Variants in ANKRD30B observed in about 807,000 individuals in gnomAD.
ANKRD30B encodes the protein ankyrin repeat domain-containing protein 30B.
A neutral mutation model predicts 202.2 loss-of-function variants in ANKRD30B; 144 were observed. The observed-to-expected ratio is 0.71, with a 90% CI of 0.62 to 0.82. ANKRD30B has a LOEUF of 0.82. Among genes scored for constraint, ANKRD30B ranks in the 40% least tolerant of loss-of-function variants. The pLI, the probability that ANKRD30B is intolerant of heterozygous loss-of-function variation, is 0.00. For missense variants in ANKRD30B, 1,487 were observed against 1,669.1 expected, an observed-to-expected ratio of 0.89 and a Z score of 1.90; for synonymous variants, 508 against 561.3, an observed-to-expected ratio of 0.91 and a Z score of 1.34.
At chr18:14,876,180 C>T in the ANKRD30B span, among the ~76,000 whole-genome samples, 3 of 151,770 alleles carry the variant, frequency 2.0e-5, no homozygotes, top group East Asian at 5.8e-4. Flanking sequence ...AAAAAAGCAC[C>T]GGGCTTGGGG....
intron 32 of ANKRD30B, among the ~76,000 whole-genome samples, chr18:14,824,411 C>T (rs370751190): frequency 2.0e-4 from 30 of 151,076 alleles, no homozygotes; most frequent in Admixed American, 1.3e-3. Context: ...TGGAGTGCAA[C>T]GGTGTGATCT....
chr18:14,897,061 T>C, the ANKRD30B span, among the ~76,000 whole-genome samples: 2 of 151,446 alleles, frequency 1.3e-5, no homozygotes, highest in South Asian at 4.2e-4. Context: ...AATTAGATCT[T>C]GATGGATGAA....
At chr18:14,921,296 C>T in the ANKRD30B span, among the ~76,000 whole-genome samples, 1 of 150,514 alleles carries the variant, frequency 6.6e-6, no homozygotes, top group Admixed American at 6.6e-5. Flanking sequence ...ATACAACTGC[C>T]TGTTGTGGTG....
At chr18:14,863,938 A>G in the ANKRD30B span, among the ~76,000 whole-genome samples, 1 of 151,470 alleles carries the variant, frequency 6.6e-6, no homozygotes, top group Non-Finnish European at 1.5e-5. Context: ...CCTGGGATGC[A>G]AGGACTATTT....
intron 5 of ANKRD30B, among the ~76,000 whole-genome samples, chr18:14,759,789 T>C (rs1598572673): frequency 1.3e-5 from 2 of 152,340 alleles, no homozygotes; most frequent in East Asian, 3.9e-4. Flanking sequence ...ATAGCTTAGA[T>C]GCCTTGAATT....
chr18:14,777,460 G>A (rs1967429085), intron 9 of ANKRD30B, among the ~76,000 whole-genome samples: 1 of 151,554 alleles, frequency 6.6e-6, no homozygotes, highest in Non-Finnish European at 1.5e-5. Context: ...ACCACGCCAG[G>A]CTAATTTTTG....
intron 12 of ANKRD30B, 121 bp from the exon 13 acceptor site, chr18:14,784,215 A>G: frequency 2.0e-6 from 2 of 1,017,860 alleles, no homozygotes; most frequent in East Asian, 2.6e-5. Flanking sequence ...AACTTCCCAA[A>G]TCTAAACTAT....
At chr18:14,780,979 G>A (rs564302664) in intron 11 of ANKRD30B, among the ~76,000 whole-genome samples, 5 of 152,368 alleles carry the variant, frequency 3.3e-5, no homozygotes, top group Non-Finnish European at 7.3e-5. Flanking sequence ...GTAGTCCAAG[G>A]TCACAACTGT....
At chr18:14,794,941 A>G (rs1022178599) in intron 16 of ANKRD30B, among the ~76,000 whole-genome samples, 1 of 152,198 alleles carries the variant, frequency 6.6e-6, no homozygotes, top group African/African-American at 2.4e-5. Flanking sequence ...AAGGAGATAT[A>G]TTTCTATTTC....
intron 1 of ANKRD30B, among the ~76,000 whole-genome samples, chr18:14,750,727 A>G (rs1442910501): frequency 6.6e-6 from 1 of 152,154 alleles, no homozygotes; most frequent in Non-Finnish European, 1.5e-5. Flanking sequence ...ATGGGATAAT[A>G]TGTGACCACT....
the ANKRD30B span, among the ~76,000 whole-genome samples, chr18:14,940,120 T>C: frequency 1.3e-5 from 2 of 152,178 alleles, no homozygotes; most frequent in Non-Finnish European, 1.5e-5. Flanking sequence ...GGTACGTATG[T>C]CTCATCTCAC....
Position 14,847,050 on chromosome 18 carries a change from TTATATATATATATA to T in ANKRD30B, c.3182-1636_3182-1623del, listed in dbSNP as rs56871571. 2.4e-3 allele frequency among the ~76,000 whole-genome samples: 267 copies of T among 111,114 alleles called. 2 individuals are homozygous for T. The highest frequency in any genetic ancestry group is 3.2e-3 in the Non-Finnish European group (173 of 53,644). 72.9% of individuals were successfully genotyped at this position (111,114 alleles called of 152,430 possible). On this transcript the variant is annotated intron_variant, in intron 39 of 43. Coordinates refer to ENST00000690538, the MANE Select transcript of ANKRD30B (RefSeq NM_001367607.2). The stretch of plus-strand genomic sequence containing the variant: ...GTTTAGTAATTTTTATGATTTAGTT[TTATATATATATATA>T]TATATATATATATATATATATATAT...
At chr18:14,843,879 T>C (rs1278611883) in intron 39 of ANKRD30B, among the ~76,000 whole-genome samples, 1 of 152,228 alleles carries the variant, frequency 6.6e-6, no homozygotes, top group Non-Finnish European at 1.5e-5. Context: ...AAAACTGTGA[T>C]TCTGAAGCAT....
At chr18:14,823,803 A>G (rs897706089) in intron 32 of ANKRD30B, among the ~76,000 whole-genome samples, 1 of 152,138 alleles carries the variant, frequency 6.6e-6, no homozygotes, top group Non-Finnish European at 1.5e-5. Flanking sequence ...GTGAAACCCT[A>G]TCTCTACTAA....
rs572652697 is a variant in ANKRD30B, at chr18:14,752,855, G to A, written c.353G>A (p.Arg118Lys). 6.2e-7 allele frequency: 1 copy of A among 1,609,454 alleles called. No individual in the cohort carries two copies. The highest frequency in any genetic ancestry group is 1.7e-5 in the Admixed American group (1 of 59,514). The change falls in exon 3 of 44, where the codon AGG becomes AAG. Residue 118 changes from arginine to lysine, a missense_variant. By Grantham distance (26) the Arg-to-Lys change is conservative. Around this residue, in one of 6 missense-constraint regions of ANKRD30B, gnomAD observed 889 missense variants for 841.4 expected, o/e 1.06. Transcript: ENST00000690538. ...TACTGACAGGCTCTACAATGCGAGA[G>A]GGAGGCTTGTGCAAATATTCTCATA... Reference protein sequence around the residue: ...TPLMKALQCEREACANILIDA... With the variant: ...TPLMKALQCEKEACANILIDA...
At chr18:14,766,278 C>T (rs1223747682) in intron 7 of ANKRD30B, among the ~76,000 whole-genome samples, 2 of 151,584 alleles carry the variant, frequency 1.3e-5, no homozygotes, top group East Asian at 3.9e-4. Context: ...GGAGACCATC[C>T]TGGCTAACAC....
intron 39 of ANKRD30B, among the ~76,000 whole-genome samples, chr18:14,847,050 T>TTTTATATATAAATATA (rs1555672629): frequency 9.0e-6 from 1 of 111,110 alleles, no homozygotes; most frequent in African/African-American, 3.2e-5. Context: ...TGATTTAGTT[T>TTTTATATATAAATATA]TATATATATA....
At chr18:14,932,368 A>G in the ANKRD30B span, among the ~76,000 whole-genome samples, 8 of 151,134 alleles carry the variant, frequency 5.3e-5, no homozygotes. Context: ...ACGGAGTCTC[A>G]CTCTGTCGCC....
chr18:14,847,448 CA>C (rs1167102733), intron 39 of ANKRD30B, among the ~76,000 whole-genome samples: 1 of 137,664 alleles, frequency 7.3e-6, no homozygotes, highest in African/African-American at 2.9e-5. Flanking sequence ...TGTGGACTTA[CA>C]TATTACCTGC....
Sources: allele counts gnomAD v4.1 joint callset (sites outside exome capture counted in the v4.1 genomes callset), GRCh38; gene constraint gnomAD v4.1.1; regional missense constraint gnomAD v4.1.1; transcripts MANE v1.5; gene names NCBI Gene and HGNC (gene_info 2026-07-23, HGNC 2026-07-21).